The following TAB2 variants were observed in gnomAD, a reference collection of about 807,000 sequenced individuals.
TAB2 encodes the protein TGF-beta activated kinase 1 (MAP3K7) binding protein 2.
Under a neutral mutation model 65.0 loss-of-function variants are expected in TAB2, and 3 were observed. The observed-to-expected ratio is 0.05, with a 90% CI of 0.02 to 0.12. TAB2 has a LOEUF of 0.12. Ranked by LOEUF, TAB2 falls within the 10% of genes least tolerant of loss-of-function variation. The probability of loss-of-function intolerance (pLI) is 1.00; values close to 1 mark genes in which losing one functional copy is unlikely to be tolerated. For missense variants in TAB2, 623 were observed against 840.3 expected (o/e 0.74, Z 3.20); for synonymous variants, 298 against 285.1 (o/e 1.05, Z -0.46).
chr6:149,256,824 G>A (rs1288194231), intron 1 of TAB2, among the ~76,000 whole-genome samples: 1 of 152,024 alleles, frequency 6.6e-6, no homozygotes, highest in African/African-American at 2.4e-5. Context: ...CTCAAAACTC[G>A]CCTACATGCT....
At chr6:149,233,389 C>T (rs1249147142) in intron 1 of TAB2, among the ~76,000 whole-genome samples, 1 of 152,170 alleles carries the variant, frequency 6.6e-6, no homozygotes, top group Non-Finnish European at 1.5e-5. Context: ...CAAACTAAAC[C>T]TCCTTCCTGC....
At chr6:149,218,214 T>G (rs2114617128), upstream of TAB2, 1 of 152,378 alleles carries the variant, frequency 6.6e-6, no homozygotes, top group Middle Eastern at 3.4e-3. Context: ...CAATGGCTCT[T>G]GTTTGACACT....
At chr6:149,350,118 G>GA (rs1780441928) in intron 1 of TAB2, among the ~76,000 whole-genome samples, 1 of 152,050 alleles carries the variant, frequency 6.6e-6, no homozygotes, top group African/African-American at 2.4e-5. Flanking sequence ...TTTTAGTAGA[G>GA]ACAGGGTTTC....
At chr6:149,315,561 T>C (rs1028191110), upstream of TAB2, among the ~76,000 whole-genome samples, 2 of 152,344 alleles carry the variant, frequency 1.3e-5, no homozygotes, top group East Asian at 3.9e-4. Context: ...ACAGCCCATA[T>C]TCCAATTTCG....
intron 1 of TAB2, among the ~76,000 whole-genome samples, chr6:149,281,952 T>C (rs750505728): frequency 2.0e-5 from 3 of 152,154 alleles, no homozygotes; most frequent in Non-Finnish European, 4.4e-5. Context: ...GAAAAAAATA[T>C]GATCAATTAC....
intron 6 of TAB2, among the ~76,000 whole-genome samples, chr6:149,404,054 G>A (rs563324934): frequency 3.3e-5 from 5 of 152,192 alleles, no homozygotes; most frequent in African/African-American, 1.2e-4. Context: ...GTTTGCAGGC[G>A]ACATGATCAT....
At chr6:149,339,167 C>G (rs1327886564) in intron 1 of TAB2, among the ~76,000 whole-genome samples, 1 of 152,084 alleles carries the variant, frequency 6.6e-6, no homozygotes, top group Non-Finnish European at 1.5e-5. Context: ...AGATCAAGAC[C>G]ATCCTGGCCA....
intron 1 of TAB2, among the ~76,000 whole-genome samples, chr6:149,239,653 T>C (rs1777561266): frequency 6.6e-6 from 1 of 152,272 alleles, no homozygotes; most frequent in South Asian, 2.1e-4. Context: ...TCTCTTGTTA[T>C]TTTTCAATAG....
chr6:149,371,902 G>A (rs1376464138), intron 2 of TAB2, among the ~76,000 whole-genome samples: 2 of 152,144 alleles, frequency 1.3e-5, no homozygotes, highest in Admixed American at 6.5e-5. Flanking sequence ...AAGGAGCGGA[G>A]ATAGTGGGGA....
chr6:149,339,301 G>A (rs62426088), intron 1 of TAB2, among the ~76,000 whole-genome samples: 35,691 of 151,916 alleles, frequency 0.23, 4,395 homozygotes, highest in Non-Finnish European at 0.26. Flanking sequence ...TTGCAGAAGC[G>A]GAGGTTGCAG....
intron 1 of TAB2, among the ~76,000 whole-genome samples, chr6:149,282,024 G>A (rs1778584797): frequency 6.6e-6 from 1 of 152,122 alleles, no homozygotes; most frequent in African/African-American, 2.4e-5. Context: ...CTGGATCGCA[G>A]GCATGATGGC....
At chr6:149,295,889 A>C (rs989166041) in intron 1 of TAB2, among the ~76,000 whole-genome samples, 1 of 152,030 alleles carries the variant, frequency 6.6e-6, no homozygotes, top group African/African-American at 2.4e-5. Context: ...CTCCTGCTTC[A>C]GCCTCCCGAG....
chr6:149,361,314 T>G (rs559076532), intron 1 of TAB2, among the ~76,000 whole-genome samples: 1 of 152,300 alleles, frequency 6.6e-6, no homozygotes, highest in Non-Finnish European at 1.5e-5. Context: ...CCTCCTTCAC[T>G]CTTGCACTGT....
chr6:149,400,286 C>A, intron 6 of TAB2: 2 of 1,279,382 alleles, frequency 1.6e-6, no homozygotes, highest in Non-Finnish European at 2.2e-6. Context: ...CTCCCTCATC[C>A]ACCGCTGTCA....
intron 1 of TAB2, among the ~76,000 whole-genome samples, chr6:149,223,199 A>G (rs1423806260): frequency 6.6e-6 from 1 of 152,246 alleles, no homozygotes; most frequent in East Asian, 1.9e-4. Context: ...GGGTAAGACA[A>G]TGAGGATTCA....
intron 1 of TAB2, among the ~76,000 whole-genome samples, chr6:149,263,439 C>T (rs1217987257): frequency 6.6e-6 from 1 of 152,160 alleles, no homozygotes; most frequent in African/African-American, 2.4e-5. Flanking sequence ...CTGCACAAAA[C>T]ATTATGTTGA....
At chr6:149,277,694 C>G (rs1240771586) in intron 1 of TAB2, among the ~76,000 whole-genome samples, 1 of 152,106 alleles carries the variant, frequency 6.6e-6, no homozygotes, top group African/African-American at 2.4e-5. Context: ...TTTTTAAACT[C>G]TACCTTGTGA....
At chr6:149,343,906 T>C (rs1258048837) in intron 1 of TAB2, among the ~76,000 whole-genome samples, 1 of 152,214 alleles carries the variant, frequency 6.6e-6, no homozygotes, top group Non-Finnish European at 1.5e-5. Context: ...TTAGTTCAGT[T>C]TATCTAGGTT....
intron 1 of TAB2, among the ~76,000 whole-genome samples, chr6:149,251,527 A>T (rs1777860251): frequency 1.3e-5 from 2 of 152,214 alleles, no homozygotes; most frequent in South Asian, 4.1e-4. Context: ...TTCCTTGAAA[A>T]TTATTTCCTG....
Sources: allele counts gnomAD v4.1 joint callset (sites outside exome capture counted in the v4.1 genomes callset), GRCh38; gene constraint gnomAD v4.1.1; transcripts MANE v1.5; gene names NCBI Gene and HGNC (gene_info 2026-07-23, HGNC 2026-07-21).